Variants in NKD1 observed in about 807,000 individuals in gnomAD.
NKD1 encodes NKD inhibitor of Wnt signaling pathway 1, also known as protein naked cuticle homolog 1.
NKD1 carries 21 observed loss-of-function variants against 56.0 expected under a neutral mutation model. The observed-to-expected ratio is 0.38, with a 90% CI of 0.27 to 0.54. The LOEUF is 0.54. Ranked by LOEUF, NKD1 falls within the 20% of genes least tolerant of loss-of-function variation. The pLI is 0.82. For synonymous variants in NKD1, 263 were observed against 265.7 expected (o/e 0.99, Z 0.10); for missense variants, 578 against 642.7 (o/e 0.90, Z 1.09).
rs1234520933 is a variant in NKD1 at position 50,636,928 on chromosome 16, T to C, written c.*3147T>C. ...TCTTCCCACCCCACCCTTTTATTTTTACACAAGGAGCATAGTGTTCATACT... is the reference window on the plus strand; with the variant it reads ...TCTTCCCACCCCACCCTTTTATTTTCACACAAGGAGCATAGTGTTCATACT... On this transcript the variant is annotated 3_prime_UTR_variant, in exon 10 of 10. Transcript: ENST00000268459. The C allele has an allele frequency of 2.0e-5, 3 of 152,216 alleles. No individual in the cohort carries two copies. The highest frequency in any genetic ancestry group is 4.4e-5 in the Non-Finnish European group (3 of 68,028). The allele number at this position is 152,216 out of a possible 1,614,324, so 9.4% of individuals were successfully genotyped here. A position where few individuals can be genotyped will look rare whatever the true frequency, so the allele number is the denominator to read the frequency against.
intron 3 of NKD1, among the ~76,000 whole-genome samples, chr16:50,570,284 A>G (rs1347608574): frequency 6.6e-6 from 1 of 152,154 alleles, no homozygotes. Context: ...CATGGGGATG[A>G]TGTTGACCCC....
intron 1 of NKD1, 45 bp from the exon 2 acceptor site, chr16:50,548,672 C>G (rs1263916843): frequency 6.8e-7 from 1 of 1,463,950 alleles, no homozygotes; most frequent in Non-Finnish European, 9.0e-7. Context: ...CTTCTCCCGC[C>G]GCCGCGGCTG....
chr16:50,548,671 C>T (rs1567331093), intron 1 of NKD1, 46 bp from the exon 2 acceptor site: 2 of 1,464,204 alleles, frequency 1.4e-6, no homozygotes, highest in Non-Finnish European at 1.8e-6. Flanking sequence ...CCTTCTCCCG[C>T]CGCCGCGGCT....
At position 50,619,366 on chromosome 16, in the gene NKD1, G is replaced by A. The variant is rs577649920; in HGVS notation, c.260-2236G>A. 6.6e-5 allele frequency among the ~76,000 whole-genome samples: 10 copies of A among 152,196 alleles called. No individual in the cohort carries two copies. The South Asian group carries it at 1.2e-3, about 19-fold the overall frequency. ...CCAGCATTTGTTGAGCACTTACTGC[G>A]TGCCGGCCACTGTGCTCAGTAAGCA... is the stretch of plus-strand genomic sequence containing the variant. On this transcript the variant is annotated intron_variant, in intron 4 of 9. Coordinates refer to ENST00000268459, the MANE Select transcript of NKD1 (RefSeq NM_033119.5).
At chr16:50,597,841 C>T (rs1312587472) in intron 3 of NKD1, among the ~76,000 whole-genome samples, 1 of 152,132 alleles carries the variant, frequency 6.6e-6, no homozygotes, top group African/African-American at 2.4e-5. Context: ...TGGCAGCATG[C>T]GAACTGCTGA....
At chr16:50,613,978 C>A (rs1961907481) in intron 4 of NKD1, among the ~76,000 whole-genome samples, 1 of 152,172 alleles carries the variant, frequency 6.6e-6, no homozygotes, top group Non-Finnish European at 1.5e-5. Context: ...GCTTTTCCCC[C>A]TTTTTTGTTT....
In NKD1 at chr16:50,575,003, G is replaced by A. The variant is rs190249014; in HGVS notation, c.192+25448G>A. 2.0e-5 allele frequency: 20 copies of A among 985,022 alleles called. No homozygotes were observed. In the Admixed American group the frequency reaches 3.7e-4, roughly 18 times the overall value. 61.0% of individuals were successfully genotyped at this position (985,022 alleles called of 1,614,324 possible). A position where few individuals can be genotyped will look rare whatever the true frequency, so the allele number is the denominator to read the frequency against. On this transcript the variant is annotated intron_variant, in intron 3 of 9. Transcript: ENST00000268459. The stretch of plus-strand genomic sequence containing the variant: ...ATAACCCTGGTGCTTCTCACAGCTT[G>A]ATTTAATACAGCTTGAATACAATAG...
In NKD1 at chr16:50,628,946, G is replaced by C. The variant is rs114963876; in HGVS notation, c.463-1240G>C. ...TCATGTGGTGGAGAGACCTCTTCTA[G>C]TGTCTCTTCCTTTTTTTTTTTTTTT... On this transcript the variant is annotated intron_variant, in intron 6 of 9. Transcript: ENST00000268459. Among the ~76,000 whole-genome samples the C allele has an allele frequency of 4.8e-3, 695 of 145,890 alleles. 6 individuals carry two copies. Among genetic ancestry groups the C allele is most frequent in the African/African-American group, 0.016 (640 of 39,184 alleles).
rs1962431940 is a variant in NKD1, at chr16:50,634,773, T to C, written c.*992T>C. On this transcript the variant is annotated 3_prime_UTR_variant, in exon 10 of 10. Transcript: ENST00000268459. ...AGTGGTTTGCTTCCCTGGATGCTTCTGGAACCCAGATGTGACCCTGCTTGT... is the reference window on the plus strand; with the variant it reads ...AGTGGTTTGCTTCCCTGGATGCTTCCGGAACCCAGATGTGACCCTGCTTGT... 1 of 152,524 alleles carries C rather than the reference T, an allele frequency of 6.6e-6. No homozygotes were observed. The highest frequency in any genetic ancestry group is 2.1e-4 in the South Asian group (1 of 4,830). The allele number at this position is 152,524 out of a possible 1,614,324, so 9.4% of individuals were successfully genotyped here. A position where few individuals can be genotyped will look rare whatever the true frequency, so the allele number is the denominator to read the frequency against.
chr16:50,589,982 G>A (rs1053227616), intron 3 of NKD1, among the ~76,000 whole-genome samples: 4 of 151,888 alleles, frequency 2.6e-5, no homozygotes, highest in Non-Finnish European at 4.4e-5. Flanking sequence ...TGAGTAGCTG[G>A]GACTACAGTT....
rs1161095300 is a variant in NKD1 at position 50,647,986 on chromosome 16, G to C, written c.*14205G>C. On this transcript the variant is annotated 3_prime_UTR_variant, in exon 10 of 10. Transcript: ENST00000268459. ...TGGCAGCAAAGTTGGGAGTGGTGTT[G>C]AAGTAACTGGGAAAACTCCACAGAG... The C allele has an allele frequency of 6.6e-6, 1 of 152,216 alleles. No homozygotes were observed. The highest frequency in any genetic ancestry group is 1.5e-5 in the Non-Finnish European group (1 of 68,052). The allele number at this position is 152,216 out of a possible 1,614,324, so 9.4% of individuals were successfully genotyped here. A position where few individuals can be genotyped will look rare whatever the true frequency, so the allele number is the denominator to read the frequency against.
intron 3 of NKD1, among the ~76,000 whole-genome samples, chr16:50,591,311 C>T (rs933944806): frequency 7.9e-5 from 12 of 152,294 alleles, no homozygotes; most frequent in Middle Eastern, 3.4e-3. Flanking sequence ...GGGTGTCTGG[C>T]GCTGGGAGGG....
At chr16:50,609,533 A>G (rs543548174) in intron 4 of NKD1, among the ~76,000 whole-genome samples, 2 of 152,268 alleles carry the variant, frequency 1.3e-5, no homozygotes, top group South Asian at 2.1e-4. Context: ...AAGGGCCACA[A>G]GAGGAGAGCA....
intron 3 of NKD1, chr16:50,566,234 G>A: frequency 1.0e-6 from 1 of 960,662 alleles, no homozygotes. Context: ...GTGTAACCAG[G>A]GAGTGGACTT....
rs953988105 is a variant in NKD1, at chr16:50,636,874, G to T, written c.*3093G>T. Reference sequence around the variant, plus strand: ...ATTTATTTCGGATCTATTTTTAAGGGGGGGAACCCTGCAGTTACTGCTTAA... The same window carrying T: ...ATTTATTTCGGATCTATTTTTAAGGTGGGGAACCCTGCAGTTACTGCTTAA... On this transcript the variant is annotated 3_prime_UTR_variant, in exon 10 of 10. Coordinates refer to ENST00000268459, the MANE Select transcript of NKD1 (RefSeq NM_033119.5). 5.9e-5 allele frequency: 9 copies of T among 152,010 alleles called. No homozygotes were observed. The highest frequency in any genetic ancestry group is 1.7e-4 in the African/African-American group (7 of 41,396). 9.4% of individuals were successfully genotyped at this position (152,010 alleles called of 1,614,324 possible).
chr16:50,619,027 A>G (rs1962027907), intron 4 of NKD1, among the ~76,000 whole-genome samples: 1 of 152,150 alleles, frequency 6.6e-6, no homozygotes, highest in South Asian at 2.1e-4. Flanking sequence ...ATCAAGTGGA[A>G]CATGAAAGGC....
At chr16:50,582,360 A>G (rs987424288) in intron 3 of NKD1, among the ~76,000 whole-genome samples, 2 of 152,266 alleles carry the variant, frequency 1.3e-5, no homozygotes, top group Middle Eastern at 6.8e-3. Context: ...GCCCCCTCCC[A>G]CATATCCTAA....
chr16:50,584,725 G>A (rs1961190957), intron 3 of NKD1, among the ~76,000 whole-genome samples: 1 of 152,236 alleles, frequency 6.6e-6, no homozygotes, highest in South Asian at 2.1e-4. Context: ...GGCACATGGA[G>A]AATTGAGAGC....
chr16:50,620,063 G>A (rs555480468), intron 4 of NKD1, among the ~76,000 whole-genome samples: 5 of 152,388 alleles, frequency 3.3e-5, no homozygotes, highest in African/African-American at 7.2e-5. Flanking sequence ...GGAGGTAATC[G>A]TAATAACTGC....
Sources: allele counts gnomAD v4.1 joint callset (sites outside exome capture counted in the v4.1 genomes callset), GRCh38; gene constraint gnomAD v4.1.1; transcripts MANE v1.5; gene names NCBI Gene and HGNC (gene_info 2026-07-23, HGNC 2026-07-21).